TDG: variants seen among roughly 807,000 people sequenced by gnomAD.
TDG encodes G/T mismatch-specific thymine DNA glycosylase.
Under a neutral mutation model 46.1 loss-of-function variants are expected in TDG, and 23 were observed. That is an observed-to-expected ratio of 0.50 (90% CI 0.36 to 0.71). The LOEUF (loss-of-function observed/expected upper bound fraction) is 0.71. TDG is among the 30% of genes least tolerant of loss of function. The probability of loss-of-function intolerance (pLI) is 0.00; values close to 1 mark genes in which losing one functional copy is unlikely to be tolerated. For synonymous variants in TDG, 115 were observed against 161.3 expected, an observed-to-expected ratio of 0.71 and a Z score of 2.18; for missense variants, 304 against 486.7, an observed-to-expected ratio of 0.62 and a Z score of 3.53.
intron 1 of TDG, chr12:103,973,085 C>CTTTTTT (rs1566178556): frequency 2.9e-5 from 9 of 308,274 alleles, no homozygotes; most frequent in African/African-American, 6.7e-5. Context: ...ACGTTTCATA[C>CTTTTTT]ATTTTTTTTT....
intron 2 of TDG, 77 bp from the exon 3 acceptor site, chr12:103,979,754 G>A (rs1403147218): frequency 1.3e-6 from 2 of 1,506,176 alleles, no homozygotes; most frequent in African/African-American, 2.8e-5. Flanking sequence ...GGTGCTAGTT[G>A]GGTAACTTTT....
chr12:103,984,848 C>A lies in TDG; in HGVS notation c.892C>A (p.Gln298Lys). 2 of 1,613,646 alleles carry A rather than the reference C, an allele frequency of 1.2e-6. No individual in the cohort carries two copies. The highest frequency in any genetic ancestry group is 1.1e-5 in the South Asian group (1 of 91,042). The change falls in exon 8 of 10, where the codon CAG becomes AAG. Residue 298 changes from glutamine (Q) to lysine (K), a missense_variant. By Grantham distance (53) the Gln-to-Lys change is moderately conservative (BLOSUM62 1). Coordinates refer to ENST00000392872, the MANE Select transcript of TDG (RefSeq NM_003211.6). ...CATAAAACTGAAGGACTTAAGAGATCAGTTGAAAGGCATTGAACGAAATAT... is the reference window on the plus strand; with the variant it reads ...CATAAAACTGAAGGACTTAAGAGATAAGTTGAAAGGCATTGAACGAAATAT... ...YYIKLKDLRD[Q>K]LKGIERNMDV...
At chr12:103,968,154 A>G (rs187541731) in intron 1 of TDG, among the ~76,000 whole-genome samples, 6 of 152,282 alleles carry the variant, frequency 3.9e-5, no homozygotes, top group Non-Finnish European at 7.4e-5. Flanking sequence ...AAAATAGTTC[A>G]GGAGTCTTAG....
intron 8 of TDG, among the ~76,000 whole-genome samples, 186 bp from the exon 9 acceptor site, chr12:103,985,417 A>G (rs1443740851): frequency 6.6e-6 from 1 of 152,156 alleles, no homozygotes; most frequent in Admixed American, 6.5e-5. Context: ...GTAAAGTTGA[A>G]TGTAAGCGGT....
rs1396995611 is a variant in TDG, at chr12:103,987,062, A to G, written c.1205A>G (p.Gln402Arg). 3.1e-6 allele frequency: 5 copies of G among 1,614,072 alleles called. No homozygotes were observed. Among genetic ancestry groups the G allele is most frequent in the Non-Finnish European group, 4.2e-6 (5 of 1,179,958 alleles). ...TCCTTTAGTAATCACTGTGGAACAC[A>G]AGAACAGGAAGAAGAAAGCCATGCT... is the stretch of plus-strand genomic sequence containing the variant. ...IPSFSNHCGT[Q>R]EQEEESHA is the part of the protein sequence containing the mutation. Residue 402 changes from glutamine (Q) to arginine (R), a missense_variant, in exon 10 of 10, where the codon CAA becomes CGA. Transcript: ENST00000392872.
intron 1 of TDG, 34 bp downstream of exon 1, chr12:103,966,094 G>C (rs769778190): frequency 4.6e-6 from 7 of 1,538,182 alleles, no homozygotes; most frequent in Non-Finnish European, 6.1e-6. Context: ...CCTCCCTTGC[G>C]CCCCTCACTG....
intron 3 of TDG, chr12:103,980,616 G>C: frequency 3.1e-6 from 1 of 319,480 alleles, no homozygotes; most frequent in Non-Finnish European, 5.7e-6. Context: ...CAGACTCAAA[G>C]CAGCCCAGTT....
intron 1 of TDG, among the ~76,000 whole-genome samples, chr12:103,975,181 T>A (rs1871476315): frequency 6.6e-6 from 1 of 152,180 alleles, no homozygotes; most frequent in Non-Finnish European, 1.5e-5. Flanking sequence ...GAGATAGTGG[T>A]TTAAGGCCAT....
chr12:103,974,190 T>C (rs1871404444), intron 1 of TDG, among the ~76,000 whole-genome samples: 1 of 152,194 alleles, frequency 6.6e-6, no homozygotes, highest in Admixed American at 6.5e-5. Context: ...TTGCCTTTTT[T>C]TTTTCCTGTT....
At chr12:103,975,676 T>C (rs566068212) in intron 1 of TDG, among the ~76,000 whole-genome samples, 14 of 152,198 alleles carry the variant, frequency 9.2e-5, no homozygotes, top group South Asian at 8.3e-4. Context: ...TTTTTTTTTC[T>C]TTTGAGACAG....
Position 103,966,078 on chromosome 12 carries a change from G to A in TDG, c.23+18G>A, listed in dbSNP as rs1394430511. 19 of 1,561,280 alleles carry A rather than the reference G, an allele frequency of 1.2e-5. No homozygotes were observed. The highest frequency in any genetic ancestry group is 1.6e-5 in the Non-Finnish European group (18 of 1,152,958). On this transcript the variant is annotated intron_variant, in intron 1 of 9. Transcript: ENST00000392872. ...GCGGGCAGGTAATACCGGGGCCAGC[G>A]CCGCCCCTCCCTTGCGCCCCTCACT...
At chr12:103,983,497 A>G in intron 7 of TDG, 108 bp downstream of exon 7, 1 of 740,336 alleles carries the variant, frequency 1.4e-6, no homozygotes, top group African/African-American at 1.8e-5. Flanking sequence ...AAACAATTAC[A>G]CTGTATTTTG....
chr12:103,985,523 T>C (rs1209123087), intron 8 of TDG, 80 bp from the exon 9 acceptor site: 52 of 1,455,324 alleles, frequency 3.6e-5, no homozygotes, highest in Non-Finnish European at 4.8e-5. Context: ...AGAAAAAGAA[T>C]TGTTCATGAT....
intron 1 of TDG, among the ~76,000 whole-genome samples, chr12:103,975,475 C>T (rs953234756): frequency 6.6e-5 from 10 of 152,154 alleles, no homozygotes; most frequent in Non-Finnish European, 1.3e-4. Context: ...GGAGGGGCTA[C>T]ATCTGATGAG....
chr12:103,983,116 ACT>A lies in TDG; in HGVS notation c.615-19_615-18del. 6.4e-7 allele frequency: 1 copy of A among 1,563,454 alleles called. No individual in the cohort carries two copies. The highest frequency in any genetic ancestry group is 8.6e-7 in the Non-Finnish European group (1 of 1,158,864). On this transcript the variant is annotated intron_variant, in intron 5 of 9. Coordinates refer to ENST00000392872, the MANE Select transcript of TDG (RefSeq NM_003211.6). ...TATTGTCATATTTATATTTTTGACT[ACT>A]TTTTAATTCAATTTTAGTAAAGAAT... is the stretch of plus-strand genomic sequence containing the variant.
In TDG at chr12:103,984,369, G is replaced by A. The variant is rs184740146; in HGVS notation, c.793-380G>A. Among the ~76,000 whole-genome samples, 401 of 152,198 alleles carry A rather than the reference G, an allele frequency of 2.6e-3. 2 individuals are homozygous for A. The highest frequency in any genetic ancestry group is 4.4e-3 in the Admixed American group (67 of 15,288). ...AGCACTTTGGGAGGCCGAGGCAGGCGGATCACCTGAGGTTAGGAGTTCGAG... is the reference window on the plus strand; with the variant it reads ...AGCACTTTGGGAGGCCGAGGCAGGCAGATCACCTGAGGTTAGGAGTTCGAG... On this transcript the variant is annotated intron_variant, in intron 7 of 9. Transcript: ENST00000392872.
rs1376117680 is a variant in TDG, at chr12:103,987,671, T to TA, written c.*582dup. On this transcript the variant is annotated 3_prime_UTR_variant, in exon 10 of 10. Transcript: ENST00000392872. ...TTGCTCAGTAGTAAAAACTGGCCCT[T>TA]ACCTGACAGAGCCCTGGCTTTGACC... 1 of 152,960 alleles carries TA rather than the reference T, an allele frequency of 6.5e-6. No homozygotes were observed. Among genetic ancestry groups the TA allele is most frequent in the African/African-American group, 2.4e-5 (1 of 41,484 alleles). The allele number at this position is 152,960 out of a possible 1,614,324, so 9.5% of individuals were successfully genotyped here.
At chr12:103,980,985 A>C in intron 4 of TDG, 23 bp downstream of exon 4, 1 of 1,591,222 alleles carries the variant, frequency 6.3e-7, no homozygotes, top group Non-Finnish European at 8.5e-7. Context: ...CTTTTAAATT[A>C]ATTTACTTTT....
rs868857909 is a variant in TDG, at chr12:103,973,153, C to T, written c.24-3765C>T. The T allele has an allele frequency of 1.2e-4, 76 of 626,378 alleles. 2 individuals are homozygous for T. The highest frequency in any genetic ancestry group is 1.1e-3 in the South Asian group (65 of 59,920). The allele number at this position is 626,378 out of a possible 1,614,324, so 38.8% of individuals were successfully genotyped here. A position where few individuals can be genotyped will look rare whatever the true frequency, so the allele number is the denominator to read the frequency against. On this transcript the variant is annotated intron_variant, in intron 1 of 9. Coordinates refer to ENST00000392872, the MANE Select transcript of TDG (RefSeq NM_003211.6). ...AGGCTGGAGTGCAATGGCATCATCT[C>T]GGCTCACCACAACCTCCACCTCCTG...
Sources: allele counts gnomAD v4.1 joint callset (sites outside exome capture counted in the v4.1 genomes callset), GRCh38; gene constraint gnomAD v4.1.1; transcripts MANE v1.5; gene names NCBI Gene and HGNC (gene_info 2026-07-23, HGNC 2026-07-21).